LIMS2: variants seen among roughly 807,000 people sequenced by gnomAD.
The protein encoded by LIMS2 is LIM zinc finger domain containing 2.
In LIMS2, 30 loss-of-function variants were observed where a neutral mutation model predicts 45.3. That is an observed-to-expected ratio of 0.66 (90% CI 0.50 to 0.90). LIMS2 has a LOEUF of 0.90. Ranked by LOEUF, LIMS2 falls within the 40% of genes least tolerant of loss-of-function variation. LIMS2 has a pLI of 0.00. For missense variants in LIMS2, 485 were observed against 468.7 expected, an observed-to-expected ratio of 1.03 and a Z score of -0.32; for synonymous variants, 173 against 188.0, an observed-to-expected ratio of 0.92 and a Z score of 0.65.
At chr2:127,654,785 C>T in intron 3 of LIMS2, 45 bp downstream of exon 3, 1 of 1,601,420 alleles carries the variant, frequency 6.2e-7, no homozygotes. Context: ...GCCACTGCTG[C>T]CCACTTCCCA....
Position 127,639,417 on chromosome 2 carries a change from A to T in LIMS2, c.890T>A (p.Val297Glu), listed in dbSNP as rs200897899. ...ACACACGGGCTTCATGTCGAACTCC[A>T]CAAACTTGTTCCTGAGGAGGAAGCT... Reference protein sequence around the residue: ...NSKLTLKNKFVEFDMKPVCKR... With the variant: ...NSKLTLKNKFEEFDMKPVCKR... Residue 297 changes from valine (V) to glutamate (E), a missense_variant, in exon 10 of 10, where the codon GTG becomes GAG. Coordinates refer to ENST00000355119, the MANE Select transcript of LIMS2 (RefSeq NM_001161403.3). 6.2e-7 allele frequency: 1 copy of T among 1,613,718 alleles called. No homozygotes were observed. The highest frequency in any genetic ancestry group is 8.5e-7 in the Non-Finnish European group (1 of 1,179,842).
chr2:127,673,152 T>C (rs1370906750), intron 1 of LIMS2, among the ~76,000 whole-genome samples: 1 of 152,144 alleles, frequency 6.6e-6, no homozygotes, highest in African/African-American at 2.4e-5. Flanking sequence ...AGGGTCACCT[T>C]TGAAGGAGCG....
rs1012018593 is a variant in LIMS2, at chr2:127,667,070, G to A, written c.11+7944C>T. Among the ~76,000 whole-genome samples the A allele has an allele frequency of 2.0e-5, 3 of 152,166 alleles. No individual in the cohort carries two copies. The highest frequency in any genetic ancestry group is 4.8e-5 in the African/African-American group (2 of 41,420). ...ACTTGTCACAAAGTAAAGCCAGAGC[G>A]ACATGGCTTCACTGATGAATTATAT... is the stretch of plus-strand genomic sequence containing the variant. On this transcript the variant is annotated intron_variant, in intron 1 of 9. Coordinates refer to ENST00000355119, the MANE Select transcript of LIMS2 (RefSeq NM_001161403.3). The surrounding 1 kb of genome is among the most constrained non-coding windows in gnomAD (Gnocchi z 4.1).
intron 4 of LIMS2, chr2:127,651,455 G>A: frequency 6.2e-7 from 1 of 1,612,906 alleles, no homozygotes; most frequent in Non-Finnish European, 8.5e-7. Flanking sequence ...TCGCCATAGT[G>A]CTGGCCATCT....
intron 4 of LIMS2, chr2:127,651,112 G>A: frequency 6.2e-7 from 1 of 1,613,558 alleles, no homozygotes; most frequent in Non-Finnish European, 8.5e-7. Context: ...ACCTGCATCA[G>A]CGCCGACCGT....
intron 4 of LIMS2, chr2:127,651,947 C>A: frequency 1.6e-6 from 1 of 627,200 alleles, no homozygotes; most frequent in Non-Finnish European, 2.9e-6. Context: ...ATCGGCCACC[C>A]CTCTGCAGGG....
At position 127,653,451 on chromosome 2, in the gene LIMS2, G is replaced by C. The variant is rs1188348728; in HGVS notation, c.359+973C>G. The stretch of plus-strand genomic sequence containing the variant: ...GTGGGCAGCTGAGGACAGCGAGAGA[G>C]AGGCCTGAAGTGGAGCCTGGAATTC... On this transcript the variant is annotated intron_variant, in intron 4 of 9. Coordinates refer to ENST00000355119, the MANE Select transcript of LIMS2 (RefSeq NM_001161403.3). This position sits in a 1 kb window ranked among gnomAD's most constrained non-coding sequence, Gnocchi z 5.3. 6.6e-6 allele frequency among the ~76,000 whole-genome samples: 1 copy of C among 152,220 alleles called. No individual in the cohort carries two copies. Among genetic ancestry groups the C allele is most frequent in the Non-Finnish European group, 1.5e-5 (1 of 68,036 alleles).
chr2:127,675,179 G>A lies in LIMS2; in HGVS notation c.-155C>T, dbSNP rs1244600618. ...AGCCGCTCCGCCCGCGAGAGGGGTGGGCGGGGGTGGCAGGGTGGGGCCCGC... is the reference window on the plus strand; with the variant it reads ...AGCCGCTCCGCCCGCGAGAGGGGTGAGCGGGGGTGGCAGGGTGGGGCCCGC... On this transcript the variant is annotated 5_prime_UTR_variant, in exon 1 of 10. Coordinates refer to ENST00000355119, the MANE Select transcript of LIMS2 (RefSeq NM_001161403.3). The A allele has an allele frequency of 1.8e-6, 1 of 558,842 alleles. No individual in the cohort carries two copies. The highest frequency in any genetic ancestry group is 2.0e-5 in the African/African-American group (1 of 51,022). 34.6% of individuals were successfully genotyped at this position (558,842 alleles called of 1,614,324 possible). A position where few individuals can be genotyped will look rare whatever the true frequency, so the allele number is the denominator to read the frequency against.
chr2:127,643,403 T>A, intron 4 of LIMS2: 2 of 477,734 alleles, frequency 4.2e-6, no homozygotes, highest in South Asian at 3.1e-5. Flanking sequence ...CTGAAAGCAT[T>A]ATTTTCCCAA....
In LIMS2 at chr2:127,654,521, T is replaced by A; in HGVS notation, c.262A>T (p.Ile88Phe). ...SCGEFIIGRVIKAMNNNWHPG... is the reference protein window; with the variant it reads ...SCGEFIIGRVFKAMNNNWHPG... ...TGCCAGTTGTTGTTCATGGCCTTGA[T>A]GACGCGGCCAATGATGAACTCACCT... The change falls in exon 4 of 10, where the codon ATC becomes TTC. Residue 88 changes from isoleucine to phenylalanine, a missense_variant. Ile to Phe is a conservative substitution (Grantham distance 21). Coordinates refer to ENST00000355119, the MANE Select transcript of LIMS2 (RefSeq NM_001161403.3). 6.2e-7 allele frequency: 1 copy of A among 1,614,142 alleles called. No homozygotes were observed. The highest frequency in any genetic ancestry group is 8.5e-7 in the Non-Finnish European group (1 of 1,180,014).
chr2:127,680,178 C>CGGA (rs1414690229), upstream of LIMS2, among the ~76,000 whole-genome samples: 1 of 152,240 alleles, frequency 6.6e-6, no homozygotes, highest in African/African-American at 2.4e-5. Context: ...CCTGCACAGC[C>CGGA]GGAGCCCTCC....
chr2:127,651,697 C>A, intron 4 of LIMS2: 1 of 1,613,180 alleles, frequency 6.2e-7, no homozygotes, highest in Non-Finnish European at 8.5e-7. Flanking sequence ...AAGGGCCCGC[C>A]CCCCAGCTTC....
intron 4 of LIMS2, among the ~76,000 whole-genome samples, chr2:127,644,686 C>G (rs578221153): frequency 6.6e-6 from 1 of 152,360 alleles, no homozygotes; most frequent in South Asian, 2.1e-4. Context: ...CGCCTCAAAA[C>G]TCCATCACCA....
chr2:127,656,320 T>C (rs905978656), intron 2 of LIMS2, among the ~76,000 whole-genome samples: 2 of 152,134 alleles, frequency 1.3e-5, no homozygotes, highest in East Asian at 3.8e-4. Flanking sequence ...ATTCAGCTCC[T>C]GGTCCCCCCA....
chr2:127,673,897 G>C, intron 1 of LIMS2: 1 of 680,502 alleles, frequency 1.5e-6, no homozygotes, highest in Admixed American at 2.2e-5. Context: ...TCTCACTGCA[G>C]AGGGGCCTGG....
upstream of LIMS2, among the ~76,000 whole-genome samples, chr2:127,677,495 G>A (rs912174585): frequency 6.6e-6 from 1 of 152,082 alleles, no homozygotes; most frequent in African/African-American, 2.4e-5. The surrounding 1 kb of genome is among the most constrained non-coding windows in gnomAD (Gnocchi z 5.0). Flanking sequence ...CCATCTGCAG[G>A]AAAAGCATTC....
Position 127,653,392 on chromosome 2 carries a change from G to C in LIMS2, c.359+1032C>G, listed in dbSNP as rs1440466577. Among the ~76,000 whole-genome samples the C allele has an allele frequency of 6.6e-6, 1 of 152,206 alleles. No homozygotes were observed. Among genetic ancestry groups the C allele is most frequent in the Non-Finnish European group, 1.5e-5 (1 of 68,044 alleles). On this transcript the variant is annotated intron_variant, in intron 4 of 9. Transcript: ENST00000355119. This position sits in a 1 kb window ranked among gnomAD's most constrained non-coding sequence, Gnocchi z 5.3. The stretch of plus-strand genomic sequence containing the variant: ...AAACTGCTTGTGCCTCATTGCGTTT[G>C]GGATGCCTGGTGGACACCAAGTGGA...
Position 127,642,951 on chromosome 2 carries a change from G to A in LIMS2, c.481C>T (p.Pro161Ser). 1 of 1,566,584 alleles carries A rather than the reference G, an allele frequency of 6.4e-7. No individual in the cohort carries two copies. Residue 161 changes from proline to serine, a missense_variant, in exon 5 of 10, where the codon CCT (proline) becomes TCT (serine). Pro to Ser is a moderately conservative substitution (Grantham distance 74). Transcript: ENST00000355119. This position sits in a 1 kb window ranked among gnomAD's most constrained non-coding sequence, Gnocchi z 5.3. Reference sequence around the variant, plus strand: ...CAGTGGGTGCAGTTGAAGTGGTCAGGGTGGTAGGCGTCGCTCCTGAACATG... The same window carrying A: ...CAGTGGGTGCAGTTGAAGTGGTCAGAGTGGTAGGCGTCGCTCCTGAACATG... ...PLMFRSDAYH[P>S]DHFNCTHCGK...
chr2:127,643,280 G>A (rs758333567), intron 4 of LIMS2: 8 of 605,560 alleles, frequency 1.3e-5, no homozygotes, highest in Non-Finnish European at 2.1e-5. Flanking sequence ...ATGCTCAGCA[G>A]GAAAGATGCC....
Sources: allele counts gnomAD v4.1 joint callset (sites outside exome capture counted in the v4.1 genomes callset), GRCh38; gene constraint gnomAD v4.1.1; non-coding constraint Gnocchi (gnomAD v3.1); transcripts MANE v1.5; gene names NCBI Gene and HGNC (gene_info 2026-07-23, HGNC 2026-07-21).